Variants in ANKS1B observed in about 807,000 individuals in gnomAD.
The protein encoded by ANKS1B is ankyrin repeat and sterile alpha motif domain containing 1B.
A neutral mutation model predicts 148.3 loss-of-function variants in ANKS1B; 36 were observed. The ratio of observed to expected loss-of-function variants is 0.24; its 90% CI spans 0.19 to 0.32. The LOEUF (loss-of-function observed/expected upper bound fraction) is 0.32. Among genes scored for constraint, ANKS1B ranks in the 10% least tolerant of loss-of-function variants. The probability of loss-of-function intolerance (pLI) is 1.00; values close to 1 mark genes in which losing one functional copy is unlikely to be tolerated. For synonymous variants in ANKS1B, 542 were observed against 560.8 expected (o/e 0.97, Z 0.47); for missense variants, 1,157 against 1,542.6 (o/e 0.75, Z 4.19).
chr12:99,280,500 C>G (rs1438354619), intron 12 of ANKS1B, among the ~76,000 whole-genome samples: 2 of 152,084 alleles, frequency 1.3e-5, no homozygotes, highest in Non-Finnish European at 2.9e-5. Context: ...TTATGTTAAC[C>G]TGATGGGGCC....
chr12:98,800,464 A>AT (rs2098992643), intron 21 of ANKS1B, among the ~76,000 whole-genome samples: 2 of 152,054 alleles, frequency 1.3e-5, no homozygotes, highest in African/African-American at 4.8e-5. Context: ...TCTTTTGAAC[A>AT]TTTACCAGTT....
intron 12 of ANKS1B, among the ~76,000 whole-genome samples, chr12:99,276,326 T>A (rs995456431): frequency 6.6e-6 from 1 of 152,086 alleles, no homozygotes; most frequent in African/African-American, 2.4e-5. Context: ...GTGACTGTAT[T>A]TGGATATAGG....
chr12:98,750,420 C>A lies in ANKS1B; in HGVS notation c.3747+935G>T, dbSNP rs79757775. 5.0e-3 allele frequency among the ~76,000 whole-genome samples: 759 copies of A among 152,180 alleles called. 6 individuals carry two copies. The highest frequency in any genetic ancestry group is 0.017 in the African/African-American group (700 of 41,512). ...TGCCAAGAAGGGTGACAGGGGTAGG[C>A]CCCCAAAAGAAGACTGAAAACAAGA... is the stretch of plus-strand genomic sequence containing the variant. On this transcript the variant is annotated intron_variant, in intron 26 of 26. Coordinates refer to ENST00000683438, the MANE Select transcript of ANKS1B (RefSeq NM_001352186.2).
rs995823344 is a variant in ANKS1B, at chr12:98,894,787, G to A, written c.2779-62651C>T. The stretch of plus-strand genomic sequence containing the variant: ...AGCGAATGCGAGCGGCGAGGCGAGG[G>A]CGAGCGCGCCGAGGAAGGGCGGGAG... On this transcript the variant is annotated intron_variant, in intron 17 of 26. Transcript: ENST00000683438. 5.1e-6 allele frequency: 5 copies of A among 984,922 alleles called. No individual in the cohort carries two copies. In the African/African-American group the frequency reaches 8.8e-5, roughly 17 times the overall value. 61.0% of individuals were successfully genotyped at this position (984,922 alleles called of 1,614,324 possible).
intron 14 of ANKS1B, among the ~76,000 whole-genome samples, chr12:99,177,702 TGG>T (rs1325156781): frequency 1.3e-5 from 2 of 152,238 alleles, no homozygotes; most frequent in African/African-American, 4.8e-5. Context: ...AGTGTCTTCC[TGG>T]GGCAATAATG....
chr12:99,945,421 G>A (rs147842858), intron 1 of ANKS1B, among the ~76,000 whole-genome samples: 1 of 151,908 alleles, frequency 6.6e-6, no homozygotes, highest in East Asian at 1.9e-4. Context: ...TGAGATTAAG[G>A]CTGAGGTTAT....
intron 17 of ANKS1B, among the ~76,000 whole-genome samples, chr12:98,910,879 G>A (rs1236944587): frequency 6.6e-6 from 1 of 152,066 alleles, no homozygotes; most frequent in Non-Finnish European, 1.5e-5. Context: ...ATGATCTAGC[G>A]ATAGGAAATA....
At chr12:99,169,833 T>A (rs1221770041) in intron 14 of ANKS1B, among the ~76,000 whole-genome samples, 1 of 152,174 alleles carries the variant, frequency 6.6e-6, no homozygotes, top group African/African-American at 2.4e-5. Flanking sequence ...CAGTTAAAAC[T>A]TGAACCCTAA....
intron 12 of ANKS1B, among the ~76,000 whole-genome samples, chr12:99,380,558 A>C (rs934962607): frequency 6.6e-6 from 1 of 152,236 alleles, no homozygotes; most frequent in African/African-American, 2.4e-5. Context: ...ATGGGAAACC[A>C]TAATTGTAAT....
At chr12:98,763,676 T>C (rs1285796323) in intron 25 of ANKS1B, among the ~76,000 whole-genome samples, 1 of 152,244 alleles carries the variant, frequency 6.6e-6, no homozygotes, top group African/African-American at 2.4e-5. Flanking sequence ...AATACTTTCA[T>C]TTCCTATATG....
At chr12:98,756,329 T>A (rs2098241433) in intron 25 of ANKS1B, among the ~76,000 whole-genome samples, 1 of 152,142 alleles carries the variant, frequency 6.6e-6, no homozygotes, top group Non-Finnish European at 1.5e-5. Flanking sequence ...TACTGCCACA[T>A]AAGATGTGCC....
intron 4 of ANKS1B, among the ~76,000 whole-genome samples, chr12:99,805,263 C>CAAAAAAAAAAAAGA: frequency 3.5e-5 from 1 of 28,908 alleles, no homozygotes; most frequent in Non-Finnish European, 5.8e-5. Context: ...GAGGAAAAGG[C>CAAAAAAAAAAAAGA]AAAAAAAAAA....
At chr12:98,894,080 T>C (rs1247748226) in intron 17 of ANKS1B, among the ~76,000 whole-genome samples, 4 of 152,096 alleles carry the variant, frequency 2.6e-5, no homozygotes, top group East Asian at 1.9e-4. Context: ...AGGCTTAACA[T>C]TGGAAAGTCC....
At chr12:99,808,602 G>C (rs1243290833) in intron 3 of ANKS1B, among the ~76,000 whole-genome samples, 2 of 151,964 alleles carry the variant, frequency 1.3e-5, no homozygotes, top group Non-Finnish European at 2.9e-5. Context: ...TCACATACAG[G>C]TTTAGACTCC....
chr12:99,166,483 T>G lies in ANKS1B; in HGVS notation c.2420-12088A>C, dbSNP rs868222480. Among the ~76,000 whole-genome samples the G allele has an allele frequency of 1.2e-4, 18 of 151,874 alleles. No homozygotes were observed. The South Asian group carries it at 2.3e-3, about 19-fold the overall frequency. On this transcript the variant is annotated intron_variant, in intron 14 of 26. Coordinates refer to ENST00000683438, the MANE Select transcript of ANKS1B (RefSeq NM_001352186.2). ...CAATTGTATTTCCCTACACTAACAA[T>G]AAACAATTGGAATTTGAAATAAAAA...
intron 9 of ANKS1B, among the ~76,000 whole-genome samples, chr12:99,509,265 G>C (rs2096740677): frequency 6.6e-6 from 1 of 151,728 alleles, no homozygotes. Context: ...AATTCAAGAA[G>C]AGTCACATGT....
chr12:99,627,593 A>G (rs988688332), intron 9 of ANKS1B, among the ~76,000 whole-genome samples: 23 of 152,178 alleles, frequency 1.5e-4, no homozygotes, highest in African/African-American at 4.3e-4. Flanking sequence ...CTATTCCAGC[A>G]TATCTCCCTA....
At chr12:99,893,601 C>G (rs887517699) in intron 1 of ANKS1B, among the ~76,000 whole-genome samples, 1 of 151,800 alleles carries the variant, frequency 6.6e-6, no homozygotes, top group South Asian at 2.1e-4. Flanking sequence ...AAAAGAAAAA[C>G]AATATAAATG....
intron 17 of ANKS1B, among the ~76,000 whole-genome samples, chr12:98,903,682 T>C (rs916382610): frequency 5.3e-5 from 8 of 152,226 alleles, no homozygotes; most frequent in African/African-American, 1.9e-4. Context: ...AAATTTTTCA[T>C]TTTACTTCAG....
Sources: gnomAD v4.1 joint callset for allele counts (sites outside exome capture counted in the v4.1 genomes callset) on GRCh38, gnomAD v4.1.1 for gene constraint, MANE v1.5 for transcripts, NCBI Gene and HGNC (gene_info 2026-07-23, HGNC 2026-07-21) for gene names.